Variants in FOXN3 observed in about 807,000 individuals in gnomAD.
FOXN3 encodes forkhead box N3, also known as forkhead box protein N3.
Under a neutral mutation model 38.4 loss-of-function variants are expected in FOXN3, and 7 were observed. The observed-to-expected ratio is 0.18, with a 90% CI of 0.10 to 0.34. FOXN3 has a LOEUF of 0.34. FOXN3 is among the 10% of genes least tolerant of loss of function. The pLI is 1.00. For missense variants in FOXN3, 456 were observed against 613.4 expected, an observed-to-expected ratio of 0.74 and a Z score of 2.71; for synonymous variants, 230 against 242.2, an observed-to-expected ratio of 0.95 and a Z score of 0.47.
At chr14:89,477,860 GAAC>G (rs1289620719) in intron 1 of FOXN3, among the ~76,000 whole-genome samples, 2 of 151,768 alleles carry the variant, frequency 1.3e-5, no homozygotes, top group South Asian at 2.1e-4. Context: ...ATGTTGATGA[GAAC>G]AACAGGAGAA....
At chr14:89,536,914 T>C (rs1853409372) in intron 1 of FOXN3, among the ~76,000 whole-genome samples, 1 of 152,252 alleles carries the variant, frequency 6.6e-6, no homozygotes, top group East Asian at 1.9e-4. Context: ...CGGGAAATTA[T>C]AAAGAAGTAT....
chr14:89,559,505 A>G (rs1391506659), intron 1 of FOXN3, among the ~76,000 whole-genome samples: 1 of 149,178 alleles, frequency 6.7e-6, no homozygotes, highest in East Asian at 1.9e-4. Context: ...GTGAAACCCC[A>G]TCTCTACTCA....
At chr14:89,465,225 T>G (rs1596285202) in intron 1 of FOXN3, among the ~76,000 whole-genome samples, 1 of 1,706 alleles carries the variant, frequency 5.9e-4, no homozygotes, top group Non-Finnish European at 4.2e-3. Flanking sequence ...ATGTCTTTGT[T>G]TTTTTTTGTT....
intron 1 of FOXN3, among the ~76,000 whole-genome samples, chr14:89,612,736 T>G (rs1242547711): frequency 6.6e-6 from 1 of 151,760 alleles, no homozygotes; most frequent in African/African-American, 2.4e-5. Flanking sequence ...CGAGGCTGCA[T>G]TGAGCCCAAG....
At chr14:89,575,559 A>C (rs553769258) in intron 1 of FOXN3, among the ~76,000 whole-genome samples, 1 of 152,290 alleles carries the variant, frequency 6.6e-6, no homozygotes, top group East Asian at 1.9e-4. Context: ...CCAAACACAA[A>C]GCACAGCTCC....
intron 1 of FOXN3, among the ~76,000 whole-genome samples, chr14:89,481,612 A>G (rs1353787939): frequency 6.6e-6 from 1 of 152,210 alleles, no homozygotes; most frequent in Non-Finnish European, 1.5e-5. Context: ...GTCAGGTTCA[A>G]ATCGACACAC....
At chr14:89,396,119 C>T (rs1294750168) in intron 2 of FOXN3, among the ~76,000 whole-genome samples, 2 of 152,098 alleles carry the variant, frequency 1.3e-5, no homozygotes, top group Non-Finnish European at 2.9e-5. Context: ...ATCAATGAAA[C>T]AAAAATTTAT....
At chr14:89,476,199 C>T (rs1893206127) in intron 1 of FOXN3, among the ~76,000 whole-genome samples, 1 of 152,180 alleles carries the variant, frequency 6.6e-6, no homozygotes, top group South Asian at 2.1e-4. Context: ...AAAAGTCCAC[C>T]TGTTCAGAGG....
At chr14:89,308,141 T>A (rs1178399282) in intron 3 of FOXN3, among the ~76,000 whole-genome samples, 2 of 152,178 alleles carry the variant, frequency 1.3e-5, no homozygotes, top group Non-Finnish European at 2.9e-5. Flanking sequence ...GGCACCCGCC[T>A]ATAATCCCAG....
chr14:89,467,482 T>C (rs1415645083), intron 1 of FOXN3, among the ~76,000 whole-genome samples: 1 of 151,820 alleles, frequency 6.6e-6, no homozygotes, highest in Admixed American at 6.6e-5. Context: ...AAAATTTAAA[T>C]GGTCCACCTA....
chr14:89,595,656 A>T (rs1276813065), intron 1 of FOXN3, among the ~76,000 whole-genome samples: 2 of 152,186 alleles, frequency 1.3e-5, no homozygotes, highest in African/African-American at 4.8e-5. Flanking sequence ...AGTTTTATTT[A>T]TTCCTTTCTA....
At chr14:89,279,230 G>A (rs912087742) in intron 4 of FOXN3, among the ~76,000 whole-genome samples, 3 of 152,104 alleles carry the variant, frequency 2.0e-5, no homozygotes, top group Non-Finnish European at 1.5e-5. Context: ...TCTGAAATCT[G>A]TACTAGTTTA....
At chr14:89,311,290 G>A (rs930690082) in intron 3 of FOXN3, among the ~76,000 whole-genome samples, 12 of 149,904 alleles carry the variant, frequency 8.0e-5, no homozygotes, top group African/African-American at 2.7e-4. Flanking sequence ...GGCCAACATG[G>A]TGAAACCCTG....
At chr14:89,515,192 G>A (rs1411225710) in intron 1 of FOXN3, among the ~76,000 whole-genome samples, 5 of 151,778 alleles carry the variant, frequency 3.3e-5, no homozygotes, top group Non-Finnish European at 5.9e-5. Flanking sequence ...CAAAGTGCTA[G>A]GATTACAGGC....
At chr14:89,436,931 G>T (rs1484176720) in intron 1 of FOXN3, among the ~76,000 whole-genome samples, 1 of 152,186 alleles carries the variant, frequency 6.6e-6, no homozygotes, top group Non-Finnish European at 1.5e-5. Flanking sequence ...TGGATCACCT[G>T]AGGTCAGGAA....
intron 2 of FOXN3, among the ~76,000 whole-genome samples, chr14:89,360,724 CCACCACCACCTCCAG>C (rs1566966323): frequency 2.2e-4 from 30 of 134,770 alleles, no homozygotes; most frequent in African/African-American, 9.1e-4. Flanking sequence ...ACTACCTCCA[CCACCACCACCTCCAG>C]CACCACCTCC....
In FOXN3 at chr14:89,376,323, A is replaced by G. The variant is rs1002212446; in HGVS notation, c.544-25515T>C. Among the ~76,000 whole-genome samples the G allele has an allele frequency of 1.1e-4, 16 of 152,232 alleles. No homozygotes were observed. In the East Asian group the frequency reaches 1.5e-3, roughly 15 times the overall value. On this transcript the variant is annotated intron_variant, in intron 2 of 5. Coordinates refer to ENST00000557258, the MANE Select transcript of FOXN3 (RefSeq NM_005197.4). Reference sequence around the variant, plus strand: ...AAAACAATTATTATAATTGATTATAAAACAACTGACTAAATAAAAACCCAT... The same window carrying G: ...AAAACAATTATTATAATTGATTATAGAACAACTGACTAAATAAAAACCCAT...
intron 1 of FOXN3, among the ~76,000 whole-genome samples, chr14:89,516,403 G>A (rs1894203742): frequency 6.6e-6 from 1 of 152,070 alleles, no homozygotes; most frequent in African/African-American, 2.4e-5. Flanking sequence ...AACACACGTG[G>A]TATTCTACAT....
At chr14:89,246,383 G>A (rs1177992532) in intron 4 of FOXN3, among the ~76,000 whole-genome samples, 1 of 152,006 alleles carries the variant, frequency 6.6e-6, no homozygotes, top group Non-Finnish European at 1.5e-5. Context: ...ATGCAGCCTA[G>A]GGTAGAGACC....
Sources: allele counts gnomAD v4.1 joint callset (sites outside exome capture counted in the v4.1 genomes callset), GRCh38; gene constraint gnomAD v4.1.1; transcripts MANE v1.5; gene names NCBI Gene and HGNC (gene_info 2026-07-23, HGNC 2026-07-21).